Variants in CCDC178 observed in about 807,000 individuals in gnomAD.
CCDC178 encodes coiled-coil domain containing 178, also known as coiled-coil domain-containing protein 178.
A neutral mutation model predicts 117.4 loss-of-function variants in CCDC178; 126 were observed. The ratio of observed to expected loss-of-function variants is 1.07; its 90% CI spans 0.93 to 1.24. The LOEUF (loss-of-function observed/expected upper bound fraction) is 1.24, where lower values mean the gene tolerates loss of function less well. CCDC178 is among the 50% of genes most tolerant of loss of function. The pLI, the probability that CCDC178 is intolerant of heterozygous loss-of-function variation, is 0.00. For missense variants in CCDC178, 1,030 were observed against 986.9 expected, an observed-to-expected ratio of 1.04 and a Z score of -0.59; for synonymous variants, 283 against 313.4, an observed-to-expected ratio of 0.90 and a Z score of 1.02.
rs1555656271 is a variant in CCDC178, at chr18:33,179,078, A to AT, written c.2238+32817_2238+32818insA. Among the ~76,000 whole-genome samples the AT allele has an allele frequency of 4.0e-3, 222 of 55,744 alleles. 2 individuals are homozygous for AT. Among genetic ancestry groups the AT allele is most frequent in the African/African-American group, 4.6e-3 (41 of 8,832 alleles). The allele number at this position is 55,744 out of a possible 152,430, so 36.6% of individuals were successfully genotyped here. A position where few individuals can be genotyped will look rare whatever the true frequency, so the allele number is the denominator to read the frequency against. Reference sequence around the variant, plus strand: ...ACTCAGTAAAAAAAAAAAAAAAAAAAATATATATATATATATATATATATA... The same window carrying AT: ...ACTCAGTAAAAAAAAAAAAAAAAAAATATATATATATATATATATATATATA... On this transcript the variant is annotated intron_variant, in intron 20 of 22. Transcript: ENST00000383096.
At chr18:33,149,490 T>C (rs2058315116) in intron 20 of CCDC178, among the ~76,000 whole-genome samples, 1 of 152,208 alleles carries the variant, frequency 6.6e-6, no homozygotes, top group African/African-American at 2.4e-5. Flanking sequence ...GTAGGAAAGC[T>C]AGTTCTCTTC....
intron 12 of CCDC178, among the ~76,000 whole-genome samples, chr18:33,287,759 A>G (rs1472047060): frequency 6.6e-6 from 1 of 152,204 alleles, no homozygotes; most frequent in Non-Finnish European, 1.5e-5. Flanking sequence ...AGCCTGGGCA[A>G]CAGAGAGAGA....
chr18:33,223,672 A>C (rs997008866), intron 17 of CCDC178, among the ~76,000 whole-genome samples: 3 of 152,154 alleles, frequency 2.0e-5, no homozygotes, highest in African/African-American at 7.2e-5. Context: ...ATGTAAAACC[A>C]TGGCTGTTAT....
chr18:33,195,089 C>A, intron 20 of CCDC178, among the ~76,000 whole-genome samples: 2 of 137,920 alleles, frequency 1.5e-5, no homozygotes. Flanking sequence ...TGTACTCCAG[C>A]CTGAATGATA....
chr18:33,080,212 G>A (rs576238224), intron 21 of CCDC178, among the ~76,000 whole-genome samples: 1 of 152,216 alleles, frequency 6.6e-6, no homozygotes, highest in Non-Finnish European at 1.5e-5. Context: ...TTATAAGTAG[G>A]AGCCAAATGA....
At chr18:33,285,545 C>T (rs542488719) in intron 12 of CCDC178, among the ~76,000 whole-genome samples, 6 of 152,150 alleles carry the variant, frequency 3.9e-5, no homozygotes, top group Non-Finnish European at 8.8e-5. Flanking sequence ...AATACAGACT[C>T]ACTTATGAAT....
chr18:33,241,000 T>C (rs1353983236), intron 15 of CCDC178, among the ~76,000 whole-genome samples: 3 of 151,862 alleles, frequency 2.0e-5, no homozygotes, highest in Admixed American at 1.3e-4. Context: ...TATTACACCA[T>C]AATCAAGTGA....
chr18:33,235,936 T>C (rs1419570538), intron 15 of CCDC178, among the ~76,000 whole-genome samples: 2 of 152,208 alleles, frequency 1.3e-5, no homozygotes, highest in Middle Eastern at 3.2e-3. Context: ...GGTCAGTTAT[T>C]GGAATTGAAA....
chr18:33,238,997 T>C (rs2059456225), intron 15 of CCDC178, among the ~76,000 whole-genome samples: 2 of 151,990 alleles, frequency 1.3e-5, no homozygotes, highest in African/African-American at 4.8e-5. Flanking sequence ...AAAAAACCCC[T>C]GCCAGCCAAG....
intron 6 of CCDC178, among the ~76,000 whole-genome samples, chr18:33,366,048 G>T (rs7238593): frequency 0.077 from 11,765 of 152,114 alleles, 561 homozygotes; most frequent in Non-Finnish European, 0.1. Flanking sequence ...AACCACAGGC[G>T]TCCAGAGTGT....
At chr18:33,143,022 A>G (rs944668480) in intron 20 of CCDC178, among the ~76,000 whole-genome samples, 1 of 152,162 alleles carries the variant, frequency 6.6e-6, no homozygotes, top group Non-Finnish European at 1.5e-5. Context: ...ATATCACTAT[A>G]TGCTTCCACG....
chr18:33,076,462 A>C (rs1206690246), intron 21 of CCDC178, among the ~76,000 whole-genome samples: 2 of 152,188 alleles, frequency 1.3e-5, no homozygotes, highest in Admixed American at 1.3e-4. Flanking sequence ...TTACTGCCGC[A>C]TTTCAGATCT....
At chr18:33,301,526 C>T (rs2062176368) in intron 11 of CCDC178, among the ~76,000 whole-genome samples, 1 of 152,352 alleles carries the variant, frequency 6.6e-6, no homozygotes, top group East Asian at 1.9e-4. Context: ...AGTCACTCAA[C>T]TCCAACTCAT....
At chr18:32,990,652 T>C (rs2055369169) in intron 21 of CCDC178, among the ~76,000 whole-genome samples, 2 of 152,108 alleles carry the variant, frequency 1.3e-5, no homozygotes, top group Admixed American at 1.3e-4. Context: ...AAAGAAAATG[T>C]CTTCAAATAC....
intron 10 of CCDC178, among the ~76,000 whole-genome samples, chr18:33,329,915 G>GTGTGTGTGTGT (rs1568151824): frequency 7.6e-6 from 1 of 130,740 alleles, no homozygotes; most frequent in African/African-American, 2.8e-5. Context: ...GTGTGTGTGT[G>GTGTGTGTGTGT]GTATAATTCA....
chr18:33,177,310 T>G (rs2058675630), intron 20 of CCDC178, among the ~76,000 whole-genome samples: 1 of 152,114 alleles, frequency 6.6e-6, no homozygotes, highest in East Asian at 1.9e-4. Flanking sequence ...CAGGTATACA[T>G]ATGTAACAAA....
At chr18:32,948,058 T>A (rs2054394706) in intron 22 of CCDC178, among the ~76,000 whole-genome samples, 1 of 152,140 alleles carries the variant, frequency 6.6e-6, no homozygotes, top group Non-Finnish European at 1.5e-5. Context: ...ATTCATCTAT[T>A]GATATATTTT....
intron 22 of CCDC178, among the ~76,000 whole-genome samples, chr18:32,944,964 A>C (rs1342675314): frequency 1.3e-5 from 2 of 152,164 alleles, no homozygotes. Flanking sequence ...GAGTTCATTA[A>C]ACATTTTTTT....
intron 20 of CCDC178, chr18:33,136,022 C>T (rs2058121768): frequency 6.6e-6 from 1 of 152,104 alleles, no homozygotes; most frequent in South Asian, 2.1e-4. Flanking sequence ...GATCAGAAAA[C>T]TCACCATGAG....
Sources: gnomAD v4.1 joint callset for allele counts (sites outside exome capture counted in the v4.1 genomes callset) on GRCh38, gnomAD v4.1.1 for gene constraint, MANE v1.5 for transcripts, NCBI Gene and HGNC (gene_info 2026-07-23, HGNC 2026-07-21) for gene names.